ADAMTS3: variants seen among roughly 807,000 people sequenced by gnomAD.
ADAMTS3 encodes the protein ADAM metallopeptidase with thrombospondin type 1 motif 3, also known as A disintegrin and metalloproteinase with thrombospondin motifs 3.
Under a neutral mutation model 129.0 loss-of-function variants are expected in ADAMTS3, and 73 were observed. That is an observed-to-expected ratio of 0.57 (90% CI 0.47 to 0.69). The LOEUF is 0.69. ADAMTS3 is among the 30% of genes least tolerant of loss of function. ADAMTS3 has a pLI of 0.00. For missense variants in ADAMTS3, 1,457 were observed against 1,514.5 expected (o/e 0.96, Z 0.63); for synonymous variants, 477 against 510.8 (o/e 0.93, Z 0.89).
Position 72,483,430 on chromosome 4 carries a change from T to C in ADAMTS3, c.504+65048A>G, listed in dbSNP as rs147401925. Among the ~76,000 whole-genome samples, 384 of 152,288 alleles carry C rather than the reference T, an allele frequency of 2.5e-3. 3 individuals are homozygous for C. Among genetic ancestry groups the C allele is most frequent in the African/African-American group, 9.0e-3 (374 of 41,574 alleles). Reference sequence around the variant, plus strand: ...TTAAAGCAGTATCAATAATCAGTCTTATAATAAATGTCTTAGCTAATGGCA... The same window carrying C: ...TTAAAGCAGTATCAATAATCAGTCTCATAATAAATGTCTTAGCTAATGGCA... On this transcript the variant is annotated intron_variant, in intron 3 of 21. Coordinates refer to ENST00000286657, the MANE Select transcript of ADAMTS3 (RefSeq NM_014243.3).
intron 2 of ADAMTS3, among the ~76,000 whole-genome samples, chr4:72,554,099 G>A (rs746863334): frequency 1.3e-5 from 2 of 152,066 alleles, no homozygotes; most frequent in Non-Finnish European, 1.5e-5. Flanking sequence ...AGAGTTTAAT[G>A]TAATTCCTTC....
intron 3 of ADAMTS3, among the ~76,000 whole-genome samples, chr4:72,489,286 C>G (rs1719674832): frequency 6.6e-6 from 1 of 151,946 alleles, no homozygotes; most frequent in South Asian, 2.1e-4. Context: ...CCCCCTTTAT[C>G]TGCAGTGTTG....
chr4:72,452,930 A>C (rs1718444815), intron 3 of ADAMTS3, among the ~76,000 whole-genome samples: 2 of 151,814 alleles, frequency 1.3e-5, no homozygotes, highest in Admixed American at 1.3e-4. Flanking sequence ...CTAAACAAGA[A>C]GAATGTTTTC....
chr4:72,347,465 A>T (rs762853882), intron 4 of ADAMTS3, among the ~76,000 whole-genome samples: 2 of 146,720 alleles, frequency 1.4e-5, no homozygotes, highest in Non-Finnish European at 2.9e-5. Flanking sequence ...CAGTGCTCTG[A>T]AAAAGACTAC....
chr4:72,288,857 G>A lies in ADAMTS3; in HGVS notation c.2943C>T (p.Thr981=). 3 of 1,609,422 alleles carry A rather than the reference G, an allele frequency of 1.9e-6. No individual in the cohort carries two copies. Among genetic ancestry groups the A allele is most frequent in the Non-Finnish European group, 1.7e-6 (2 of 1,177,778 alleles). ...KTGPWSECSV[T]CGEGTEVRQV... The stretch of plus-strand genomic sequence containing the variant: ...GCCTCACCTCCGTTCCTTCACCGCA[G>A]GTCACTGAACACTGCAGAGACAAAG... Residue 981 remains threonine, a synonymous_variant, in exon 21 of 22, where the codon ACC becomes ACT. Transcript: ENST00000286657.
In ADAMTS3 at chr4:72,390,831, A is replaced by G. The variant is rs137926848; in HGVS notation, c.661+23984T>C. On this transcript the variant is annotated intron_variant, in intron 4 of 21. Transcript: ENST00000286657. ...AAATAAAACATAAACCGTTCCTGAA[A>G]ACTTCCATGCCTTTCTAACTTCCCA... Among the ~76,000 whole-genome samples the G allele has an allele frequency of 4.6e-4, 70 of 152,132 alleles. 1 individual carries two copies. Among genetic ancestry groups the G allele is most frequent in the African/African-American group, 1.7e-3 (69 of 41,536 alleles).
At chr4:72,475,689 A>C (rs1015827197) in intron 3 of ADAMTS3, among the ~76,000 whole-genome samples, 2 of 152,046 alleles carry the variant, frequency 1.3e-5, no homozygotes, top group Non-Finnish European at 2.9e-5. Flanking sequence ...CTACTGAAGA[A>C]TAGGAAACTA....
chr4:72,551,855 G>C (rs1395955246), intron 2 of ADAMTS3, among the ~76,000 whole-genome samples: 4 of 152,114 alleles, frequency 2.6e-5, no homozygotes, highest in Admixed American at 2.0e-4. Context: ...GGAGCATCTT[G>C]CTGTCAAAGT....
intron 4 of ADAMTS3, among the ~76,000 whole-genome samples, chr4:72,389,515 A>G (rs1467706551): frequency 6.7e-6 from 1 of 149,806 alleles, no homozygotes; most frequent in East Asian, 1.9e-4. Context: ...ATTTAAATTA[A>G]AAGATGAAAA....
rs1008216312 is a variant in ADAMTS3 at position 72,568,982 on chromosome 4, C to G, written c.-220G>C. On this transcript the variant is annotated 5_prime_UTR_variant, in exon 1 of 22. Transcript: ENST00000286657. ...GTTTTTTCCACTTCACCTTCTCACCCCGTCCTCCCAACACAGAGTGTGCAG... is the reference window on the plus strand; with the variant it reads ...GTTTTTTCCACTTCACCTTCTCACCGCGTCCTCCCAACACAGAGTGTGCAG... 3.5e-5 allele frequency: 21 copies of G among 599,942 alleles called. No homozygotes were observed. The South Asian group carries it at 3.9e-4, about 11-fold the overall frequency. The allele number at this position is 599,942 out of a possible 1,614,324, so 37.2% of individuals were successfully genotyped here.
intron 17 of ADAMTS3, among the ~76,000 whole-genome samples, chr4:72,298,903 T>C (rs1402779007): frequency 6.6e-6 from 1 of 151,810 alleles, no homozygotes; most frequent in African/African-American, 2.4e-5. Context: ...ACGGAAATTG[T>C]TGTGTTGTGA....
In ADAMTS3 at chr4:72,524,929, T is replaced by C. The variant is rs138463979; in HGVS notation, c.504+23549A>G. 1.7e-3 allele frequency among the ~76,000 whole-genome samples: 253 copies of C among 152,308 alleles called. 1 individual carries two copies. The highest frequency in any genetic ancestry group is 5.8e-3 in the African/African-American group (240 of 41,572). ...GTACTCTGGATTCATAATCAGGTGCTACGTAGGAAAAACACTAGAGACAGC... is the reference window on the plus strand; with the variant it reads ...GTACTCTGGATTCATAATCAGGTGCCACGTAGGAAAAACACTAGAGACAGC... On this transcript the variant is annotated intron_variant, in intron 3 of 21. Coordinates refer to ENST00000286657, the MANE Select transcript of ADAMTS3 (RefSeq NM_014243.3).
At position 72,283,615 on chromosome 4, in the gene ADAMTS3, A is replaced by G; in HGVS notation, c.3139T>C (p.Cys1047Arg). The G allele has an allele frequency of 6.2e-7, 1 of 1,614,028 alleles. No individual in the cohort carries two copies. The highest frequency in any genetic ancestry group is 8.5e-7 in the Non-Finnish European group (1 of 1,179,946). Residue 1047 changes from cysteine (C) to arginine (R), a missense_variant, in exon 22 of 22, where the codon TGT (cysteine) becomes CGT (arginine). Coordinates refer to ENST00000286657, the MANE Select transcript of ADAMTS3 (RefSeq NM_014243.3). ...CSIPGYNKLC[C>R]ESCSKRSSTL... ...CTACTGCGCTTGCTGCAGGACTCAC[A>G]ACATAACTTGTTATAACCTGGTATG...
At chr4:72,312,186 C>G in intron 13 of ADAMTS3, 105 bp downstream of exon 13, 3 of 1,294,376 alleles carry the variant, frequency 2.3e-6, no homozygotes, top group Non-Finnish European at 3.2e-6. Flanking sequence ...ACCAAGTTTC[C>G]TAAGTTACCA....
At chr4:72,309,297 A>T in intron 15 of ADAMTS3, 100 bp downstream of exon 15, 1 of 1,205,102 alleles carries the variant, frequency 8.3e-7, no homozygotes. Context: ...CTAAATTTTG[A>T]TTATGTTTAT....
At chr4:72,546,408 T>A (rs1235560291) in intron 3 of ADAMTS3, among the ~76,000 whole-genome samples, 1 of 151,772 alleles carries the variant, frequency 6.6e-6, no homozygotes, top group Non-Finnish European at 1.5e-5. Context: ...TTTTATTAGA[T>A]AACCTCTAGT....
At chr4:72,316,715 A>G (rs1159530091) in intron 10 of ADAMTS3, among the ~76,000 whole-genome samples, 2 of 151,616 alleles carry the variant, frequency 1.3e-5, no homozygotes, top group African/African-American at 4.8e-5. Flanking sequence ...AATAATAATA[A>G]TCATAAATAC....
chr4:72,528,522 A>G (rs1364434838), intron 3 of ADAMTS3, among the ~76,000 whole-genome samples: 8 of 92,678 alleles, frequency 8.6e-5, no homozygotes, highest in Admixed American at 9.1e-5. Context: ...AGTGAAAACT[A>G]AAAAAAAAAA....
intron 3 of ADAMTS3, among the ~76,000 whole-genome samples, chr4:72,533,644 T>C (rs1721106314): frequency 6.6e-6 from 1 of 151,948 alleles, no homozygotes; most frequent in South Asian, 2.1e-4. Flanking sequence ...TATGCACATA[T>C]GTATATATAC....
Sources: gnomAD v4.1 joint callset for allele counts (sites outside exome capture counted in the v4.1 genomes callset) on GRCh38, gnomAD v4.1.1 for gene constraint, MANE v1.5 for transcripts, NCBI Gene and HGNC (gene_info 2026-07-23, HGNC 2026-07-21) for gene names.